HERC2: variants seen among roughly 807,000 people sequenced by gnomAD.
The protein encoded by HERC2 is E3 ubiquitin-protein ligase HERC2.
Under a neutral mutation model 537.7 loss-of-function variants are expected in HERC2, and 102 were observed. The observed-to-expected ratio is 0.19, with a 90% confidence interval of 0.16 to 0.22. The LOEUF (loss-of-function observed/expected upper bound fraction) is 0.22. Among genes scored for constraint, HERC2 ranks in the 10% least tolerant of loss-of-function variants. The probability of loss-of-function intolerance (pLI) is 1.00; values close to 1 mark genes in which losing one functional copy is unlikely to be tolerated. For missense variants in HERC2, 4,236 were observed against 6,198.2 expected, an observed-to-expected ratio of 0.68 and a Z score of 10.63; for synonymous variants, 2,224 against 2,466.2, an observed-to-expected ratio of 0.90 and a Z score of 2.91.
At chr15:28,232,357 A>G (rs566939351) in intron 30 of HERC2, among the ~76,000 whole-genome samples, 1 of 152,274 alleles carries the variant, frequency 6.6e-6, no homozygotes, top group East Asian at 1.9e-4. Context: ...CTTGGCCAAC[A>G]TGGTGAAACT....
Position 28,142,409 on chromosome 15 carries a change from A to G in HERC2, c.11545-16T>C, listed in dbSNP as rs771501428. 6.2e-7 allele frequency: 1 copy of G among 1,609,340 alleles called. No individual in the cohort carries two copies. Among genetic ancestry groups the G allele is most frequent in the Admixed American group, 1.7e-5 (1 of 59,178 alleles). ...CTACCAGTACCTGCAGGCACCAAAA[A>G]TGACAAACTCAGGGAAACTCAGAAA... On this transcript the variant is annotated splice_polypyrimidine_tract_variant and intron_variant, in intron 75 of 92. Coordinates refer to ENST00000261609, the MANE Select transcript of HERC2 (RefSeq NM_004667.6).
intron 65 of HERC2, among the ~76,000 whole-genome samples, chr15:28,174,009 A>G (rs1894977857): frequency 6.6e-6 from 1 of 151,832 alleles, no homozygotes; most frequent in Non-Finnish European, 1.5e-5. Flanking sequence ...TACATATTCC[A>G]AAGTCAATCA....
rs1210930425 is a variant in HERC2 at position 28,269,574 on chromosome 15, A to G, written c.1258-138T>C. ...CTGATTCAAAACATCAAAATAGCTC[A>G]TACCAGCCTGTATTACCTCATTTAA... On this transcript the variant is annotated intron_variant, in intron 10 of 92. Coordinates refer to ENST00000261609, the MANE Select transcript of HERC2 (RefSeq NM_004667.6). 6.0e-6 allele frequency: 4 copies of G among 668,674 alleles called. No homozygotes were observed. The South Asian group carries it at 8.3e-5, about 14-fold the overall frequency. 41.4% of individuals were successfully genotyped at this position (668,674 alleles called of 1,614,324 possible). A position where few individuals can be genotyped will look rare whatever the true frequency, so the allele number is the denominator to read the frequency against.
chr15:28,195,494 A>G (rs1440538068), intron 52 of HERC2, among the ~76,000 whole-genome samples: 2 of 152,186 alleles, frequency 1.3e-5, no homozygotes, highest in Non-Finnish European at 2.9e-5. Context: ...CATACAGTGG[A>G]ATATTATTTA....
rs78703276 is a variant in HERC2, at chr15:28,213,913, T to C, written c.6615A>G (p.Ala2205=). ...SENPEVGGLM[A]VLAVIGGIDG... Reference sequence around the variant, plus strand: ...CGATGCCTCCAATCACAGCCAGGACTGCCATGAGGCCCCCCACTTCAGGGT... The same window carrying C: ...CGATGCCTCCAATCACAGCCAGGACCGCCATGAGGCCCCCCACTTCAGGGT... Residue 2205 remains alanine (A), a synonymous_variant, in exon 42 of 93, where the codon GCA becomes GCG. Transcript: ENST00000261609. 6.1e-5 allele frequency: 98 copies of C among 1,613,870 alleles called. No homozygotes were observed. The highest frequency in any genetic ancestry group is 3.3e-4 in the Middle Eastern group (2 of 6,082).
At chr15:28,294,797 G>C (rs1447484563) in intron 3 of HERC2, among the ~76,000 whole-genome samples, 2 of 152,002 alleles carry the variant, frequency 1.3e-5, no homozygotes, top group African/African-American at 4.8e-5. Flanking sequence ...CCAGGGCTGT[G>C]AGCATGCGTG....
rs1228296242 is a variant in HERC2 at position 28,123,980 on chromosome 15, G to T, written c.13188+57C>A. On this transcript the variant is annotated intron_variant, in intron 85 of 92. Coordinates refer to ENST00000261609, the MANE Select transcript of HERC2 (RefSeq NM_004667.6). ...TATTCCCAGTATAGGAATTCTATTG[G>T]GTTACATGTACTGAAGACACCAGTT... The T allele has an allele frequency of 3.7e-6, 5 of 1,364,804 alleles. No homozygotes were observed. The African/African-American group carries it at 5.9e-5, about 16-fold the overall frequency. 84.5% of individuals were successfully genotyped at this position (1,364,804 alleles called of 1,614,324 possible). A position where few individuals can be genotyped will look rare whatever the true frequency, so the allele number is the denominator to read the frequency against.
At position 28,160,748 on chromosome 15, in the gene HERC2, G is replaced by A. The variant is rs571050043; in HGVS notation, c.10746+2346C>T. Among the ~76,000 whole-genome samples the A allele has an allele frequency of 3.8e-4, 58 of 152,280 alleles. 1 individual carries two copies. Among genetic ancestry groups the A allele is most frequent in the Middle Eastern group, 3.4e-3 (1 of 294 alleles). ...GCACTGCACCCACTGTCCTGCACCC[G>A]CTGTCCGACAAGCCCCAGTGAGATG... On this transcript the variant is annotated intron_variant, in intron 69 of 92. Coordinates refer to ENST00000261609, the MANE Select transcript of HERC2 (RefSeq NM_004667.6).
chr15:28,168,316 G>T, intron 67 of HERC2, 91 bp downstream of exon 67: 1 of 1,287,236 alleles, frequency 7.8e-7, no homozygotes. Flanking sequence ...CACAGAAACA[G>T]CCTAAACTAA....
At chr15:28,314,193 G>A (rs1313814348) in intron 2 of HERC2, among the ~76,000 whole-genome samples, 1 of 151,778 alleles carries the variant, frequency 6.6e-6, no homozygotes, top group East Asian at 1.9e-4. Context: ...TAATGACAAA[G>A]ATACAAGACC....
chr15:28,295,081 G>T (rs2076425426), intron 3 of HERC2, among the ~76,000 whole-genome samples: 1 of 152,036 alleles, frequency 6.6e-6, no homozygotes, highest in South Asian at 2.1e-4. Context: ...CACTAGACTT[G>T]TTAGAATGGC....
chr15:28,236,896 C>T (rs1012822021), intron 26 of HERC2, 67 bp downstream of exon 26: 3 of 1,480,820 alleles, frequency 2.0e-6, no homozygotes, highest in African/African-American at 2.8e-5. Context: ...CCCTCTCCCA[C>T]TCTTAATGGC....
chr15:28,240,278 C>T (rs1405436902), intron 23 of HERC2, among the ~76,000 whole-genome samples: 6 of 151,972 alleles, frequency 3.9e-5, no homozygotes, highest in South Asian at 2.1e-4. Context: ...ATTAGCCGGG[C>T]GTGGTGGCAG....
chr15:28,288,153 G>C (rs1008549172), intron 4 of HERC2, among the ~76,000 whole-genome samples: 4 of 152,272 alleles, frequency 2.6e-5, no homozygotes, highest in Admixed American at 1.3e-4. Context: ...AAACGGTAAA[G>C]GGAGATCTTC....
Position 28,268,726 on chromosome 15 carries a change from T to C in HERC2, c.1447-110A>G. The C allele has an allele frequency of 2.2e-6, 2 of 907,634 alleles. No homozygotes were observed. Among genetic ancestry groups the C allele is most frequent in the South Asian group, 3.3e-5 (2 of 61,344 alleles). The allele number at this position is 907,634 out of a possible 1,614,324, so 56.2% of individuals were successfully genotyped here. ...AAGCAAAGCCTGCTGTAACTCCAAG[T>C]GGGGCATAAGTCTCTGGGAACTACG... On this transcript the variant is annotated intron_variant, in intron 11 of 92. Transcript: ENST00000261609. The surrounding 1 kb of genome is among the most constrained non-coding windows in gnomAD (Gnocchi z 4.7).
At chr15:28,302,763 T>C (rs977033358) in intron 2 of HERC2, among the ~76,000 whole-genome samples, 2 of 147,046 alleles carry the variant, frequency 1.4e-5, no homozygotes, top group African/African-American at 5.0e-5. Context: ...ACCAACCATG[T>C]TGAGCACCTG....
At chr15:28,288,907 T>C (rs2076235822) in intron 4 of HERC2, among the ~76,000 whole-genome samples, 1 of 150,860 alleles carries the variant, frequency 6.6e-6, no homozygotes, top group Non-Finnish European at 1.5e-5. Flanking sequence ...AAAAATGTAA[T>C]TGCCTATTTA....
intron 80 of HERC2, 54 bp from the exon 81 acceptor site, chr15:28,132,315 C>T: frequency 1.3e-6 from 2 of 1,517,918 alleles, no homozygotes; most frequent in African/African-American, 1.4e-5. Flanking sequence ...AGGCTTGCCA[C>T]AGGACTGGCT....
At chr15:28,128,081 C>T (rs149377534) in intron 83 of HERC2, among the ~76,000 whole-genome samples, 94 of 152,206 alleles carry the variant, frequency 6.2e-4, no homozygotes, top group African/African-American at 2.1e-3. Flanking sequence ...ACACACAACC[C>T]GAATCTACGC....
Sources: gnomAD v4.1 joint callset for allele counts (sites outside exome capture counted in the v4.1 genomes callset) on GRCh38, gnomAD v4.1.1 for gene constraint, Gnocchi (gnomAD v3.1) non-coding constraint, MANE v1.5 for transcripts, NCBI Gene and HGNC (gene_info 2026-07-23, HGNC 2026-07-21) for gene names.